Variants in BAZ2B observed in about 807,000 individuals in gnomAD.
The protein encoded by BAZ2B is bromodomain adjacent to zinc finger domain 2B, also known as bromodomain adjacent to zinc finger domain protein 2B.
BAZ2B carries 91 observed loss-of-function variants against 246.0 expected under a neutral mutation model. The observed-to-expected ratio is 0.37, with a 90% confidence interval of 0.31 to 0.44. The LOEUF is 0.44. BAZ2B is among the 20% of genes least tolerant of loss of function. The pLI, the probability that BAZ2B is intolerant of heterozygous loss-of-function variation, is 1.00. For missense variants in BAZ2B, 2,332 were observed against 2,533.7 expected (o/e 0.92, Z 1.71); for synonymous variants, 855 against 860.0 (o/e 0.99, Z 0.10).
At chr2:159,579,493 G>C (rs866793265) in intron 1 of BAZ2B, among the ~76,000 whole-genome samples, 3 of 152,028 alleles carry the variant, frequency 2.0e-5, no homozygotes, top group Non-Finnish European at 2.9e-5. Flanking sequence ...TTCTACCAGC[G>C]GTACAAAGAG....
chr2:159,340,209 G>C (rs1348684825), intron 31 of BAZ2B, among the ~76,000 whole-genome samples: 1 of 151,630 alleles, frequency 6.6e-6, no homozygotes, highest in African/African-American at 2.4e-5. Context: ...AACATAGGCA[G>C]ACCAAGGGGT....
intron 22 of BAZ2B, 26 bp downstream of exon 22, chr2:159,386,327 A>T (rs747742776): frequency 1.3e-5 from 21 of 1,583,178 alleles, no homozygotes; most frequent in Non-Finnish European, 1.8e-5. Flanking sequence ...CAAATTTAAA[A>T]CATTTTATAT....
intron 3 of BAZ2B, chr2:159,461,053 T>C (rs1296956647): frequency 6.6e-6 from 1 of 152,562 alleles, no homozygotes; most frequent in Non-Finnish European, 1.5e-5. Context: ...CAAAAATGCA[T>C]ACACAGCTCA....
chr2:159,439,339 C>T, intron 6 of BAZ2B, 127 bp from the exon 7 acceptor site: 1 of 831,440 alleles, frequency 1.2e-6, no homozygotes. Context: ...AGGAAAAAGT[C>T]ACATATCGTA....
intron 2 of BAZ2B, among the ~76,000 whole-genome samples, chr2:159,529,778 C>T (rs2085179090): frequency 6.6e-6 from 1 of 150,930 alleles, no homozygotes. Flanking sequence ...ATGCAAGTAA[C>T]TAGGCACTTA....
the BAZ2B span, among the ~76,000 whole-genome samples, chr2:159,647,045 T>G: frequency 1.3e-5 from 2 of 152,128 alleles, no homozygotes; most frequent in African/African-American, 4.8e-5. Context: ...ATATCAAAAC[T>G]TCCAGCCTCT....
chr2:159,414,600 T>C (rs921041885), intron 13 of BAZ2B, among the ~76,000 whole-genome samples: 2 of 151,864 alleles, frequency 1.3e-5, no homozygotes, highest in African/African-American at 4.8e-5. Flanking sequence ...GTGGATCTCC[T>C]GAGGTCAGGA....
downstream of BAZ2B, among the ~76,000 whole-genome samples, chr2:159,316,415 G>A (rs560693151): frequency 3.4e-4 from 52 of 152,116 alleles, no homozygotes; most frequent in Admixed American, 1.1e-3. Context: ...TGGCTTGGCC[G>A]GGCGCGGTGG....
At chr2:159,442,707 A>C (rs1275550971) in intron 6 of BAZ2B, among the ~76,000 whole-genome samples, 1 of 152,182 alleles carries the variant, frequency 6.6e-6, no homozygotes, top group Non-Finnish European at 1.5e-5. Flanking sequence ...ACTTCGGTCT[A>C]TAATTCTGAT....
chr2:159,499,178 G>A (rs928020932), intron 2 of BAZ2B, among the ~76,000 whole-genome samples: 6 of 151,186 alleles, frequency 4.0e-5, no homozygotes, highest in Non-Finnish European at 2.9e-5. Flanking sequence ...TCTCACCCCC[G>A]TCCCCGCCAC....
intron 2 of BAZ2B, among the ~76,000 whole-genome samples, chr2:159,553,729 A>G (rs2088680244): frequency 6.6e-6 from 1 of 152,130 alleles, no homozygotes; most frequent in Non-Finnish European, 1.5e-5. Context: ...AAACATATAT[A>G]AAGTATATAT....
chr2:159,326,729 C>CA, intron 34 of BAZ2B, among the ~76,000 whole-genome samples: 1 of 152,034 alleles, frequency 6.6e-6, no homozygotes. Context: ...GAATTACATG[C>CA]AAAAAAGAAC....
chr2:159,577,481 A>C (rs1685629758), intron 1 of BAZ2B, among the ~76,000 whole-genome samples: 1 of 152,226 alleles, frequency 6.6e-6, no homozygotes, highest in South Asian at 2.1e-4. Flanking sequence ...GAAAAAAACT[A>C]TTTTGATTTC....
At chr2:159,690,505 T>G in the BAZ2B span, among the ~76,000 whole-genome samples, 1 of 152,300 alleles carries the variant, frequency 6.6e-6, no homozygotes, top group East Asian at 1.9e-4. Context: ...TAACTGGTAG[T>G]TATTGATACA....
intron 27 of BAZ2B, among the ~76,000 whole-genome samples, chr2:159,353,476 C>T (rs1575956222): frequency 6.6e-6 from 1 of 152,148 alleles, no homozygotes; most frequent in Non-Finnish European, 1.5e-5. Context: ...TGGCAAACTC[C>T]CTAAGATGAG....
chr2:159,523,920 A>G (rs897348607), intron 2 of BAZ2B, among the ~76,000 whole-genome samples: 5 of 152,210 alleles, frequency 3.3e-5, no homozygotes, highest in African/African-American at 1.2e-4. Flanking sequence ...TCCACGGCCT[A>G]TCTTTTGCTT....
At chr2:159,409,906 G>GT (rs1198708627) in intron 14 of BAZ2B, among the ~76,000 whole-genome samples, 1 of 152,194 alleles carries the variant, frequency 6.6e-6, no homozygotes, top group Non-Finnish European at 1.5e-5. Flanking sequence ...GGTAAACTAT[G>GT]TAATTGAATA....
chr2:159,459,010 T>G (rs2076112779), intron 3 of BAZ2B: 1 of 152,328 alleles, frequency 6.6e-6, no homozygotes, highest in Admixed American at 6.5e-5. Context: ...TTTCTTCCAC[T>G]TGAGAACCTC....
At chr2:159,480,431 A>C (rs1412388448) in intron 2 of BAZ2B, among the ~76,000 whole-genome samples, 1 of 152,128 alleles carries the variant, frequency 6.6e-6, no homozygotes, top group East Asian at 1.9e-4. Flanking sequence ...CTTATTGTTG[A>C]TAAAACCTGA....
Sources: allele counts gnomAD v4.1 joint callset (sites outside exome capture counted in the v4.1 genomes callset), GRCh38; gene constraint gnomAD v4.1.1; transcripts MANE v1.5; gene names NCBI Gene and HGNC (gene_info 2026-07-23, HGNC 2026-07-21).